Variants in SLC30A8 observed in about 807,000 individuals in gnomAD.
SLC30A8 encodes the protein solute carrier family 30 member 8.
SLC30A8 carries 27 observed loss-of-function variants against 36.9 expected under a neutral mutation model. The ratio of observed to expected loss-of-function variants is 0.73; its 90% CI spans 0.54 to 1.01. SLC30A8 has a LOEUF of 1.01. SLC30A8 is among the 50% of genes least tolerant of loss of function. The pLI is 0.00. For missense variants in SLC30A8, 439 were observed against 452.0 expected (o/e 0.97, Z 0.26); for synonymous variants, 164 against 172.4 (o/e 0.95, Z 0.38).
chr8:117,072,565 C>T lies in SLC30A8; in HGVS notation c.-226+33307C>T, dbSNP rs544095102. Reference sequence around the variant, plus strand: ...TAAGATTTTCCAGTTCTTTATATTTCTTTCTTACTTTAAGTCCTTTTTCTG... The same window carrying T: ...TAAGATTTTCCAGTTCTTTATATTTTTTTCTTACTTTAAGTCCTTTTTCTG... On this transcript the variant is annotated intron_variant, in intron 2 of 10. Transcript: ENST00000427715. 7.9e-5 allele frequency among the ~76,000 whole-genome samples: 12 copies of T among 152,224 alleles called. No individual in the cohort carries two copies. In the South Asian group the frequency reaches 2.5e-3, roughly 32 times the overall value.
upstream of SLC30A8, chr8:116,950,564 A>G (rs1168091321): frequency 3.3e-5 from 5 of 152,214 alleles, no homozygotes; most frequent in Non-Finnish European, 5.9e-5. Flanking sequence ...ACTGGCAGCA[A>G]AATAGTAAAC....
chr8:117,089,014 C>G (rs971843672), intron 2 of SLC30A8, among the ~76,000 whole-genome samples: 2 of 152,258 alleles, frequency 1.3e-5, no homozygotes, highest in African/African-American at 4.8e-5. Context: ...CTTGTCCTCA[C>G]TGCATATTTC....
At chr8:116,986,656 G>C (rs1015671596) in intron 1 of SLC30A8, among the ~76,000 whole-genome samples, 1 of 152,094 alleles carries the variant, frequency 6.6e-6, no homozygotes, top group African/African-American at 2.4e-5. Flanking sequence ...TTACACCCCA[G>C]TCAGGAAAGC....
intron 1 of SLC30A8, among the ~76,000 whole-genome samples, chr8:116,975,497 G>A (rs1814965466): frequency 6.6e-6 from 1 of 152,146 alleles, no homozygotes; most frequent in African/African-American, 2.4e-5. Context: ...AACATATTAA[G>A]GCTAGAAGGC....
At chr8:117,119,626 T>TTTAAG (rs940643174) in intron 2 of SLC30A8, among the ~76,000 whole-genome samples, 33 of 151,942 alleles carry the variant, frequency 2.2e-4, no homozygotes, top group African/African-American at 8.0e-4. Context: ...AATCATTAAG[T>TTTAAG]TTAAGTTTTA....
At chr8:117,164,799 T>G (rs1337531650) in intron 6 of SLC30A8, among the ~76,000 whole-genome samples, 1 of 152,060 alleles carries the variant, frequency 6.6e-6, no homozygotes, top group Non-Finnish European at 1.5e-5. Flanking sequence ...GATCTTATGT[T>G]ATTAACCTCA....
At chr8:117,139,973 G>A (rs960554439) in intron 1 of SLC30A8, among the ~76,000 whole-genome samples, 1 of 150,950 alleles carries the variant, frequency 6.6e-6, no homozygotes, top group Non-Finnish European at 1.5e-5. Flanking sequence ...AAAGAACAAA[G>A]AATTAAAGAT....
intron 2 of SLC30A8, among the ~76,000 whole-genome samples, chr8:117,096,982 G>C (rs1235611912): frequency 2.0e-5 from 3 of 152,076 alleles, no homozygotes; most frequent in Non-Finnish European, 2.9e-5. Context: ...TCTTTAAGAA[G>C]CTTATATTCT....
At chr8:117,062,946 C>A (rs1038912040) in intron 2 of SLC30A8, among the ~76,000 whole-genome samples, 2 of 152,148 alleles carry the variant, frequency 1.3e-5, no homozygotes, top group Non-Finnish European at 2.9e-5. Flanking sequence ...TAAAACAGAT[C>A]GCCTCCATTT....
In SLC30A8 at chr8:117,110,064, A is replaced by G. The variant is rs534969090; in HGVS notation, c.-225-25216A>G. Among the ~76,000 whole-genome samples the G allele has an allele frequency of 1.1e-3, 163 of 152,324 alleles. 4 individuals carry two copies. Among genetic ancestry groups the G allele is most frequent in the African/African-American group, 3.8e-3 (156 of 41,578 alleles). The stretch of plus-strand genomic sequence containing the variant: ...GAATTTCTGACTTGTTTGTATCTTC[A>G]TTACGCCTTGTAAGATAGATACACC... On this transcript the variant is annotated intron_variant, in intron 2 of 10. Transcript: ENST00000427715.
intron 2 of SLC30A8, among the ~76,000 whole-genome samples, chr8:117,091,185 C>T (rs775891281): frequency 2.0e-5 from 3 of 152,114 alleles, no homozygotes; most frequent in South Asian, 4.1e-4. Flanking sequence ...GTGTAACACC[C>T]CTAACTTCAA....
At chr8:117,055,772 G>C (rs1817852930) in intron 2 of SLC30A8, 1 of 152,194 alleles carries the variant, frequency 6.6e-6, no homozygotes, top group Non-Finnish European at 1.5e-5. Context: ...TTCAGTAATA[G>C]CTACAGTTCC....
At chr8:117,015,646 C>A (rs144481913) in intron 1 of SLC30A8, among the ~76,000 whole-genome samples, 8 of 152,180 alleles carry the variant, frequency 5.3e-5, no homozygotes, top group African/African-American at 1.9e-4. Context: ...CGCTTTCCCA[C>A]CCACCTTTTT....
chr8:117,055,664 A>G (rs964044576), intron 2 of SLC30A8, among the ~76,000 whole-genome samples: 2 of 152,226 alleles, frequency 1.3e-5, no homozygotes, highest in Non-Finnish European at 2.9e-5. Flanking sequence ...ACTTGTGGTC[A>G]TTTGAACATT....
chr8:117,013,511 A>G (rs1320868401), intron 1 of SLC30A8, among the ~76,000 whole-genome samples: 1 of 152,208 alleles, frequency 6.6e-6, no homozygotes, highest in Non-Finnish European at 1.5e-5. Context: ...AAAATGTGGA[A>G]GTAAAAAAGA....
intron 1 of SLC30A8, among the ~76,000 whole-genome samples, chr8:116,970,873 T>A (rs1013215927): frequency 6.6e-6 from 1 of 152,156 alleles, no homozygotes; most frequent in African/African-American, 2.4e-5. Context: ...GACAGGTGGA[T>A]CACCTGAGGT....
chr8:116,950,591 A>G (rs546205274), upstream of SLC30A8: 86 of 152,304 alleles, frequency 5.6e-4, no homozygotes, highest in African/African-American at 1.9e-3. Context: ...TCAGCTCTTA[A>G]ATTTTTATAC....
chr8:116,981,527 T>C (rs1318565820), intron 1 of SLC30A8, among the ~76,000 whole-genome samples: 1 of 152,232 alleles, frequency 6.6e-6, no homozygotes, highest in Non-Finnish European at 1.5e-5. Flanking sequence ...GTAATAAGCA[T>C]AGCACCTGTT....
rs1238204229 is a variant in SLC30A8, at chr8:117,105,412, C to T, written c.-225-29868C>T. On this transcript the variant is annotated intron_variant, in intron 2 of 10. Coordinates refer to the SLC30A8 transcript ENST00000427715. ...TTCTTGGTACTAAAATCTCTATCAG[C>T]GAGGGCTCTCAAGAGAAACGAAACC... Among the ~76,000 whole-genome samples the T allele has an allele frequency of 3.9e-5, 6 of 152,172 alleles. No individual in the cohort carries two copies. In the South Asian group the frequency reaches 6.2e-4, roughly 16 times the overall value.
Sources: allele counts gnomAD v4.1 joint callset (sites outside exome capture counted in the v4.1 genomes callset), GRCh38; gene constraint gnomAD v4.1.1; transcripts MANE v1.5; gene names NCBI Gene and HGNC (gene_info 2026-07-23, HGNC 2026-07-21).